Variants in COMMD1 observed in about 807,000 individuals in gnomAD.
The protein encoded by COMMD1 is copper metabolism domain containing 1.
A neutral mutation model predicts 17.2 loss-of-function variants in COMMD1; 10 were observed. The ratio of observed to expected loss-of-function variants is 0.58; its 90% CI spans 0.36 to 0.99. COMMD1 has a LOEUF of 0.99. COMMD1 is among the 50% of genes least tolerant of loss of function. The pLI is 0.01. For synonymous variants in COMMD1, 97 were observed against 91.6 expected, an observed-to-expected ratio of 1.06 and a Z score of -0.34; for missense variants, 270 against 231.8, an observed-to-expected ratio of 1.17 and a Z score of -1.07.
intron 2 of COMMD1, among the ~76,000 whole-genome samples, chr2:62,004,594 G>A (rs1196381989): frequency 3.3e-5 from 5 of 152,192 alleles, no homozygotes; most frequent in South Asian, 2.1e-4. Context: ...GAGCCACCGC[G>A]CCCGGCCTAT....
At chr2:62,044,829 T>C (rs1242985192) in intron 2 of COMMD1, among the ~76,000 whole-genome samples, 7 of 138,186 alleles carry the variant, frequency 5.1e-5, no homozygotes, top group African/African-American at 1.7e-4. Flanking sequence ...AGGAGCAAGC[T>C]CCTAACTTAA....
At chr2:62,034,830 C>A (rs1669999232) in intron 2 of COMMD1, among the ~76,000 whole-genome samples, 1 of 152,112 alleles carries the variant, frequency 6.6e-6, no homozygotes, top group African/African-American at 2.4e-5. Flanking sequence ...TTTCTGAATA[C>A]TAGACTGTGA....
At chr2:61,994,788 G>T (rs1372306731) in intron 1 of COMMD1, among the ~76,000 whole-genome samples, 1 of 152,130 alleles carries the variant, frequency 6.6e-6, no homozygotes, top group African/African-American at 2.4e-5. Flanking sequence ...AGAAAATGCT[G>T]TCTGTAACTC....
At chr2:62,019,973 C>T (rs989879918) in intron 2 of COMMD1, among the ~76,000 whole-genome samples, 56 of 152,180 alleles carry the variant, frequency 3.7e-4, no homozygotes, top group African/African-American at 1.2e-3. Context: ...ATTCATCCCA[C>T]GTGCAGAATA....
upstream of COMMD1, among the ~76,000 whole-genome samples, chr2:61,903,455 A>AG (rs1210952247): frequency 1.2e-4 from 19 of 152,080 alleles, no homozygotes; most frequent in Admixed American, 3.9e-4. Flanking sequence ...AAAAAAAAAA[A>AG]AAGAATACCT....
rs147132856 is a variant in COMMD1 at position 61,956,780 on chromosome 2, C to T, written c.181-43921C>T. On this transcript the variant is annotated intron_variant, in intron 1 of 2. Coordinates refer to ENST00000311832, the MANE Select transcript of COMMD1 (RefSeq NM_152516.4). ...TTTGTTTTGTTTTTTGCGATGGGGT[C>T]TCGCTCTGTCGCCAGGCTGGTATGC... Among the ~76,000 whole-genome samples the T allele has an allele frequency of 4.3e-4, 65 of 151,582 alleles. 3 individuals carry two copies. In the East Asian group the frequency reaches 6.5e-3, roughly 15 times the overall value.
chr2:62,104,998 G>A (rs1295789449), intron 2 of COMMD1, among the ~76,000 whole-genome samples: 1 of 151,710 alleles, frequency 6.6e-6, no homozygotes, highest in African/African-American at 2.4e-5. Flanking sequence ...GATGGCACCT[G>A]CCTGTAATCC....
At chr2:61,888,571 G>C, upstream of COMMD1, 1 of 1,569,756 alleles carries the variant, frequency 6.4e-7, no homozygotes, top group Non-Finnish European at 8.6e-7. Context: ...CTGGCCGGCC[G>C]CAGTGTAATA....
intron 1 of COMMD1, among the ~76,000 whole-genome samples, chr2:61,956,459 G>C (rs1671201737): frequency 6.6e-6 from 1 of 151,538 alleles, no homozygotes; most frequent in African/African-American, 2.4e-5. Flanking sequence ...GCCCAGGCTG[G>C]AGTGCAGTGG....
intron 2 of COMMD1, among the ~76,000 whole-genome samples, chr2:62,042,392 C>T (rs1381261523): frequency 6.6e-6 from 1 of 152,218 alleles, no homozygotes; most frequent in Non-Finnish European, 1.5e-5. Context: ...CCCTACCCAA[C>T]CCAGAAGCCC....
intron 1 of COMMD1, among the ~76,000 whole-genome samples, chr2:61,999,942 T>G (rs1166163702): frequency 2.1e-5 from 3 of 142,498 alleles, no homozygotes; most frequent in Non-Finnish European, 4.5e-5. Context: ...TTTTTTTTTT[T>G]GAGTGCAGTC....
chr2:62,054,414 A>G (rs529842903), intron 2 of COMMD1, among the ~76,000 whole-genome samples: 1 of 152,256 alleles, frequency 6.6e-6, no homozygotes, highest in Admixed American at 6.5e-5. Context: ...TCACAGCACC[A>G]TTCATAATAG....
chr2:62,007,578 A>G (rs987154709), intron 2 of COMMD1, among the ~76,000 whole-genome samples: 5 of 152,174 alleles, frequency 3.3e-5, no homozygotes, highest in African/African-American at 9.7e-5. Context: ...CTATATTTAG[A>G]TATGTTTAGT....
At chr2:61,983,939 T>C (rs1204121990) in intron 1 of COMMD1, among the ~76,000 whole-genome samples, 2 of 152,198 alleles carry the variant, frequency 1.3e-5, no homozygotes, top group African/African-American at 4.8e-5. Context: ...TTATTTGAAG[T>C]TTTTCCTCTT....
chr2:62,012,163 A>G (rs1669295864), intron 2 of COMMD1, among the ~76,000 whole-genome samples: 1 of 151,690 alleles, frequency 6.6e-6, no homozygotes, highest in East Asian at 1.9e-4. Context: ...AGGCTGAGGA[A>G]CGAGAATCAC....
intron 1 of COMMD1, among the ~76,000 whole-genome samples, chr2:62,000,220 G>T (rs1429143006): frequency 6.6e-6 from 1 of 151,204 alleles, no homozygotes; most frequent in East Asian, 1.9e-4. Flanking sequence ...CACTGTACCT[G>T]GCCTCTTTAC....
intron 1 of COMMD1, among the ~76,000 whole-genome samples, 178 bp from the exon 2 acceptor site, chr2:62,000,523 A>G (rs1364978723): frequency 6.6e-6 from 1 of 151,514 alleles, no homozygotes; most frequent in African/African-American, 2.4e-5. Context: ...TCTAACTCCT[A>G]ACCTCAAGTG....
At chr2:62,099,984 A>G (rs958949699) in intron 2 of COMMD1, among the ~76,000 whole-genome samples, 5 of 152,180 alleles carry the variant, frequency 3.3e-5, no homozygotes, top group African/African-American at 1.2e-4. Context: ...TTCCTCACGC[A>G]AAGTGCACAC....
intron 1 of COMMD1, among the ~76,000 whole-genome samples, chr2:61,987,224 T>C (rs1002724908): frequency 6.6e-6 from 1 of 152,216 alleles, no homozygotes; most frequent in African/African-American, 2.4e-5. Context: ...CACGTTTTCC[T>C]GGATGGTCTC....
Sources: gnomAD v4.1 joint callset for allele counts (sites outside exome capture counted in the v4.1 genomes callset) on GRCh38, gnomAD v4.1.1 for gene constraint, MANE v1.5 for transcripts, NCBI Gene and HGNC (gene_info 2026-07-23, HGNC 2026-07-21) for gene names.